SLC14A2: variants seen among roughly 807,000 people sequenced by gnomAD.
SLC14A2 encodes urea transporter 2.
A neutral mutation model predicts 104.6 loss-of-function variants in SLC14A2; 91 were observed. That is an observed-to-expected ratio of 0.87 (90% CI 0.73 to 1.04). The LOEUF (loss-of-function observed/expected upper bound fraction) is 1.04. SLC14A2 is among the 50% of genes least tolerant of loss of function. SLC14A2 has a pLI of 0.00. For synonymous variants in SLC14A2, 476 were observed against 466.4 expected (o/e 1.02, Z -0.27); for missense variants, 1,189 against 1,156.0 (o/e 1.03, Z -0.41).
intron 1 of SLC14A2, among the ~76,000 whole-genome samples, chr18:45,262,372 C>G (rs2084548199): frequency 6.6e-6 from 1 of 152,016 alleles, no homozygotes; most frequent in Non-Finnish European, 1.5e-5. Context: ...TACATGCTGC[C>G]CCTTGGGAAA....
chr18:45,511,433 A>T (rs557855946), intron 2 of SLC14A2, among the ~76,000 whole-genome samples: 1 of 152,266 alleles, frequency 6.6e-6, no homozygotes, highest in African/African-American at 2.4e-5. Context: ...CTTGTCCCCT[A>T]AGTCGACTCT....
chr18:45,538,154 G>A (rs1365635935), intron 2 of SLC14A2, among the ~76,000 whole-genome samples: 1 of 152,166 alleles, frequency 6.6e-6, no homozygotes, highest in Non-Finnish European at 1.5e-5. Context: ...TCAGAGCTGA[G>A]AATCAGATCA....
At chr18:45,585,473 G>A (rs1057226882) in intron 2 of SLC14A2, among the ~76,000 whole-genome samples, 2 of 152,142 alleles carry the variant, frequency 1.3e-5, no homozygotes, top group East Asian at 3.9e-4. Flanking sequence ...ATGAATGAAT[G>A]AATAAATGGG....
At chr18:45,180,270 T>C in the SLC14A2 span, among the ~76,000 whole-genome samples, 2 of 152,200 alleles carry the variant, frequency 1.3e-5, no homozygotes, top group Admixed American at 6.5e-5. Flanking sequence ...TTATTATCTC[T>C]GTGCCTCTGT....
In SLC14A2 at chr18:45,470,905, A is replaced by AT. The variant is rs1167606455; in HGVS notation, c.-124-12320dup. ...CCTTCTCATTCCCTTCAACTTCTGA[A>AT]TTTTTTTTAGTTTCAGTGTTTTAAA... On this transcript the variant is annotated intron_variant, in intron 1 of 20. Coordinates refer to the SLC14A2 transcript ENST00000586448. Among the ~76,000 whole-genome samples, 7 of 151,830 alleles carry AT rather than the reference A, an allele frequency of 4.6e-5. 1 individual carries two copies. Among genetic ancestry groups the AT allele is most frequent in the East Asian group, 1.9e-4 (1 of 5,178 alleles).
At chr18:45,448,005 T>C (rs1322079552) in intron 1 of SLC14A2, among the ~76,000 whole-genome samples, 1 of 152,254 alleles carries the variant, frequency 6.6e-6, no homozygotes, top group Non-Finnish European at 1.5e-5. Flanking sequence ...TCACAGACTA[T>C]GTTTATCTGC....
At chr18:45,177,978 G>A in the SLC14A2 span, among the ~76,000 whole-genome samples, 2 of 152,096 alleles carry the variant, frequency 1.3e-5, no homozygotes, top group African/African-American at 4.8e-5. Flanking sequence ...TTCCATATCA[G>A]AAAAATGTCT....
At chr18:45,228,657 GA>G (rs2084143721) in intron 1 of SLC14A2, among the ~76,000 whole-genome samples, 1 of 152,124 alleles carries the variant, frequency 6.6e-6, no homozygotes, top group African/African-American at 2.4e-5. Context: ...AACCTGCAGG[GA>G]AACTAAAAGT....
chr18:45,524,428 A>G (rs1161903084), intron 2 of SLC14A2, among the ~76,000 whole-genome samples: 1 of 152,188 alleles, frequency 6.6e-6, no homozygotes, highest in Non-Finnish European at 1.5e-5. Context: ...GAAAAGACAA[A>G]GGCAGTGAGA....
At chr18:45,237,089 C>T (rs1454559181) in intron 1 of SLC14A2, among the ~76,000 whole-genome samples, 1 of 152,224 alleles carries the variant, frequency 6.6e-6, no homozygotes, top group African/African-American at 2.4e-5. Context: ...GAAGAGACAC[C>T]AGCTCAGCCA....
intron 2 of SLC14A2, among the ~76,000 whole-genome samples, chr18:45,598,126 G>T (rs1270164379): frequency 2.6e-5 from 4 of 152,176 alleles, no homozygotes; most frequent in African/African-American, 9.7e-5. Context: ...GTACTGTACT[G>T]TAGAGACCCG....
chr18:45,647,344 G>A (rs9646541), intron 10 of SLC14A2: 1 of 152,126 alleles, frequency 6.6e-6, no homozygotes, highest in Non-Finnish European at 1.5e-5. Context: ...AGTCTCTCCT[G>A]TATGCATGGT....
At chr18:45,265,720 T>C (rs2084585538) in intron 1 of SLC14A2, among the ~76,000 whole-genome samples, 1 of 152,156 alleles carries the variant, frequency 6.6e-6, no homozygotes, top group South Asian at 2.1e-4. Flanking sequence ...GCTTCAGGAA[T>C]AAGCCTGAGG....
the SLC14A2 span, among the ~76,000 whole-genome samples, chr18:45,183,906 ATTTTTTTTTTTTT>A: frequency 6.4e-5 from 4 of 62,698 alleles, no homozygotes; most frequent in Admixed American, 2.9e-4. Context: ...TAATTTTCTA[ATTTTTTTTTTTTT>A]TTTTTTTTTT....
chr18:45,431,676 A>G (rs1180980859), intron 1 of SLC14A2, among the ~76,000 whole-genome samples: 1 of 152,178 alleles, frequency 6.6e-6, no homozygotes, highest in East Asian at 1.9e-4. Context: ...TGGGCACAAT[A>G]ATGTGTGTGC....
Position 45,372,316 on chromosome 18 carries a change from CAAT to C in SLC14A2, c.-124-110895_-124-110893del, listed in dbSNP as rs59063935. Among the ~76,000 whole-genome samples the C allele has an allele frequency of 7.9e-4, 118 of 148,500 alleles. 1 individual carries two copies. Among genetic ancestry groups the C allele is most frequent in the African/African-American group, 2.5e-3 (101 of 40,264 alleles). On this transcript the variant is annotated intron_variant, in intron 1 of 20. Coordinates refer to the SLC14A2 transcript ENST00000586448. ...AACAAGTGAGACCCTGTCTCAAAAA[CAAT>C]AATAATAATAATAATAATAATTTCT...
At chr18:45,483,103 T>A (rs1321792512) in intron 1 of SLC14A2, 1 of 152,174 alleles carries the variant, frequency 6.6e-6, no homozygotes, top group Non-Finnish European at 1.5e-5. Flanking sequence ...GTTTCCTTAT[T>A]TTTTTCTTTT....
intron 1 of SLC14A2, among the ~76,000 whole-genome samples, chr18:45,454,403 G>A (rs6507619): frequency 0.33 from 50,739 of 152,008 alleles, 10,238 homozygotes; most frequent in Non-Finnish European, 0.45. Flanking sequence ...CTGGATATTA[G>A]CCCTTTGTCA....
chr18:45,553,655 C>T (rs1015379587), intron 2 of SLC14A2, among the ~76,000 whole-genome samples: 6 of 152,228 alleles, frequency 3.9e-5, no homozygotes, highest in Middle Eastern at 6.8e-3. Flanking sequence ...ATGAGTTATT[C>T]CTCCCAAATA....
Sources: gnomAD v4.1 joint callset for allele counts (sites outside exome capture counted in the v4.1 genomes callset) on GRCh38, gnomAD v4.1.1 for gene constraint, MANE v1.5 for transcripts, NCBI Gene and HGNC (gene_info 2026-07-23, HGNC 2026-07-21) for gene names.